STAU2: variants seen among roughly 807,000 people sequenced by gnomAD.
STAU2 encodes the protein staufen double-stranded RNA binding protein 2, also known as double-stranded RNA-binding protein Staufen homolog 2.
A neutral mutation model predicts 65.9 loss-of-function variants in STAU2; 20 were observed. The ratio of observed to expected loss-of-function variants is 0.30; its 90% CI spans 0.21 to 0.44. The LOEUF is 0.44. STAU2 is among the 20% of genes least tolerant of loss of function. The pLI is 1.00. For missense variants in STAU2, 558 were observed against 683.9 expected (o/e 0.82, Z 2.05); for synonymous variants, 232 against 233.9 (o/e 0.99, Z 0.07).
intron 13 of STAU2, among the ~76,000 whole-genome samples, chr8:73,465,438 T>C (rs1446898223): frequency 6.6e-6 from 1 of 152,246 alleles, no homozygotes; most frequent in Non-Finnish European, 1.5e-5. Context: ...CTTTCTTTGT[T>C]AGTAGAGGTA....
At chr8:73,603,637 C>G in intron 10 of STAU2, 89 bp downstream of exon 10, 2 of 1,499,602 alleles carry the variant, frequency 1.3e-6, no homozygotes, top group South Asian at 1.4e-5. Flanking sequence ...ACTTTCTGCT[C>G]TTAAGTCCTA....
At chr8:73,469,784 TA>T (rs1819877465) in intron 13 of STAU2, among the ~76,000 whole-genome samples, 1 of 152,170 alleles carries the variant, frequency 6.6e-6, no homozygotes, top group African/African-American at 2.4e-5. Flanking sequence ...AGAATCAGAT[TA>T]AACCTCGAAT....
At chr8:73,456,493 A>G (rs575780191) in intron 13 of STAU2, among the ~76,000 whole-genome samples, 34 of 152,222 alleles carry the variant, frequency 2.2e-4, no homozygotes, top group African/African-American at 8.2e-4. Flanking sequence ...ATGTAAAGAA[A>G]TTGGAAATGT....
intron 13 of STAU2, among the ~76,000 whole-genome samples, chr8:73,437,443 A>T (rs1271090069): frequency 6.6e-6 from 1 of 152,118 alleles, no homozygotes; most frequent in East Asian, 1.9e-4. Flanking sequence ...TGCAGTGGCC[A>T]CTAGAATCTG....
chr8:73,644,501 G>A (rs559391344), intron 6 of STAU2, among the ~76,000 whole-genome samples: 4 of 150,888 alleles, frequency 2.7e-5, no homozygotes, highest in Non-Finnish European at 5.9e-5. Context: ...AAGAAAAGAC[G>A]AAACGTTTCA....
At chr8:73,577,035 T>C (rs1809611928) in intron 12 of STAU2, among the ~76,000 whole-genome samples, 1 of 152,212 alleles carries the variant, frequency 6.6e-6, no homozygotes, top group African/African-American at 2.4e-5. Flanking sequence ...AAATTGAAAT[T>C]TCATTCAGAC....
intron 4 of STAU2, among the ~76,000 whole-genome samples, chr8:73,692,487 C>T (rs1042195828): frequency 1.3e-5 from 2 of 152,130 alleles, no homozygotes; most frequent in Non-Finnish European, 2.9e-5. Context: ...TGAGCCACCA[C>T]GCCGGCCCTC....
chr8:73,601,456 A>G (rs777342938), intron 10 of STAU2, among the ~76,000 whole-genome samples: 2 of 152,196 alleles, frequency 1.3e-5, no homozygotes, highest in Non-Finnish European at 2.9e-5. Context: ...AGTAATCAAC[A>G]TAAGTAACTG....
At chr8:73,707,374 G>A (rs1023776620) in intron 4 of STAU2, among the ~76,000 whole-genome samples, 2 of 152,176 alleles carry the variant, frequency 1.3e-5, no homozygotes, top group Non-Finnish European at 2.9e-5. Flanking sequence ...GCAGTTATTG[G>A]TAATGATAAG....
chr8:73,454,885 G>A (rs1207700988), intron 13 of STAU2, among the ~76,000 whole-genome samples: 1 of 152,182 alleles, frequency 6.6e-6, no homozygotes, highest in Non-Finnish European at 1.5e-5. Flanking sequence ...ATGGTGCCCA[G>A]TGAGAGCTGC....
chr8:73,631,850 T>C (rs1447894633), intron 6 of STAU2, among the ~76,000 whole-genome samples: 1 of 152,088 alleles, frequency 6.6e-6, no homozygotes, highest in Non-Finnish European at 1.5e-5. Context: ...ATGAGAATAA[T>C]ACCTGAGATG....
At chr8:73,682,098 G>C (rs1190806771) in intron 5 of STAU2, among the ~76,000 whole-genome samples, 2 of 151,930 alleles carry the variant, frequency 1.3e-5, no homozygotes, top group Non-Finnish European at 2.9e-5. Context: ...AAAAAACAAT[G>C]GACTTAAACT....
intron 5 of STAU2, among the ~76,000 whole-genome samples, chr8:73,685,864 G>A (rs1818772090): frequency 6.6e-6 from 1 of 152,150 alleles, no homozygotes; most frequent in South Asian, 2.1e-4. Flanking sequence ...CATGTTTATA[G>A]CAGCACAATT....
chr8:73,562,613 C>G (rs1015291592), intron 12 of STAU2, among the ~76,000 whole-genome samples: 1 of 152,314 alleles, frequency 6.6e-6, no homozygotes, highest in South Asian at 2.1e-4. Context: ...ATATTAGGTT[C>G]ACACAAAGAA....
At chr8:73,444,235 C>T (rs1320490001) in intron 13 of STAU2, among the ~76,000 whole-genome samples, 8 of 152,006 alleles carry the variant, frequency 5.3e-5, no homozygotes, top group Middle Eastern at 3.4e-3. Flanking sequence ...GGAGAAACCC[C>T]GTCTCTATTA....
intron 13 of STAU2, among the ~76,000 whole-genome samples, chr8:73,445,814 G>A (rs2128892638): frequency 6.6e-6 from 1 of 152,330 alleles, no homozygotes; most frequent in South Asian, 2.1e-4. Context: ...GACATAAAAA[G>A]TAGTGACACC....
chr8:73,566,081 G>C (rs73328733), intron 12 of STAU2, among the ~76,000 whole-genome samples: 9,798 of 152,258 alleles, frequency 0.064, 818 homozygotes, highest in African/African-American at 0.2. Flanking sequence ...CTGGGTTTGA[G>C]TTGAGGCAGC....
At chr8:73,595,386 T>G in intron 10 of STAU2, 89 bp from the exon 11 acceptor site, 8 of 1,223,114 alleles carry the variant, frequency 6.5e-6, no homozygotes, top group Non-Finnish European at 7.7e-6. Flanking sequence ...TTCTACTCTC[T>G]AGCATTTGAA....
intron 5 of STAU2, among the ~76,000 whole-genome samples, chr8:73,676,993 T>C (rs536642671): frequency 1.7e-4 from 26 of 152,318 alleles, no homozygotes; most frequent in Non-Finnish European, 2.4e-4. Flanking sequence ...ATCCAGAATA[T>C]GTAAGAACCC....
Sources: gnomAD v4.1 joint callset for allele counts (sites outside exome capture counted in the v4.1 genomes callset) on GRCh38, gnomAD v4.1.1 for gene constraint, MANE v1.5 for transcripts, NCBI Gene and HGNC (gene_info 2026-07-23, HGNC 2026-07-21) for gene names.